Variants in FANCD2 observed in about 807,000 individuals in gnomAD.
The protein encoded by FANCD2 is Fanconi anemia group D2 protein.
In FANCD2, 131 loss-of-function variants were observed where a neutral mutation model predicts 192.3. The observed-to-expected ratio is 0.68, with a 90% CI of 0.59 to 0.79. The LOEUF is 0.79. Among genes scored for constraint, FANCD2 ranks in the 30% least tolerant of loss-of-function variants. The probability of loss-of-function intolerance (pLI) is 0.00; values close to 1 mark genes in which losing one functional copy is unlikely to be tolerated. For missense variants in FANCD2, 1,508 were observed against 1,701.6 expected, an observed-to-expected ratio of 0.89 and a Z score of 2.00; for synonymous variants, 524 against 612.5, an observed-to-expected ratio of 0.86 and a Z score of 2.13.
intron 36 of FANCD2, 69 bp downstream of exon 36, chr3:10,089,019 A>G: frequency 6.4e-7 from 1 of 1,562,080 alleles, no homozygotes; most frequent in Non-Finnish European, 8.8e-7. Context: ...ACGGTGGCAC[A>G]CACCTGTAAT....
rs755975980 is a variant in FANCD2, at chr3:10,065,429, G to A, written c.2204G>A (p.Arg735Gln). The A allele has an allele frequency of 3.3e-5, 53 of 1,613,756 alleles. No homozygotes were observed. The highest frequency in any genetic ancestry group is 4.2e-5 in the Non-Finnish European group (49 of 1,179,874). ...VSPLCLAPYF[R>Q]LLRLCVERQH... ...CCGCTGTGCCTGGCTCCGTATTTCC[G>A]GTTACTGAGACTTTGTGTGGAGAGA... Residue 735 changes from arginine (R) to glutamine (Q), a missense_variant, in exon 24 of 44, where the codon CGG becomes CAG. Transcript: ENST00000675286.
chr3:10,055,821 AT>A (rs1052080483), intron 18 of FANCD2, among the ~76,000 whole-genome samples: 1 of 151,840 alleles, frequency 6.6e-6, no homozygotes, highest in Non-Finnish European at 1.5e-5. Context: ...CAAAAAAAAA[AT>A]AATAATAAAT....
chr3:10,063,756 G>T lies in FANCD2; in HGVS notation c.1828-36G>T, dbSNP rs566554908. On this transcript the variant is annotated intron_variant, in intron 20 of 43. Coordinates refer to ENST00000675286, the MANE Select transcript of FANCD2 (RefSeq NM_001018115.3). Reference sequence around the variant, plus strand: ...GAGTGGAGTTTGGGAAAGATTGGCAGCCCAAGGTTTAAACCATTCTTCCTC... The same window carrying T: ...GAGTGGAGTTTGGGAAAGATTGGCATCCCAAGGTTTAAACCATTCTTCCTC... 9 of 1,613,560 alleles carry T rather than the reference G, an allele frequency of 5.6e-6. No homozygotes were observed. In the East Asian group the frequency reaches 1.8e-4, roughly 32 times the overall value.
chr3:10,084,338 CTGGAGTGT>C (rs1694046096), intron 32 of FANCD2, among the ~76,000 whole-genome samples: 2 of 149,582 alleles, frequency 1.3e-5, no homozygotes, highest in Non-Finnish European at 3.0e-5. Flanking sequence ...GTTGCCCAGG[CTGGAGTGT>C]AGTAACACAA....
At chr3:10,084,802 C>T (rs889215920) in intron 32 of FANCD2, among the ~76,000 whole-genome samples, 1 of 152,096 alleles carries the variant, frequency 6.6e-6, no homozygotes, top group Non-Finnish European at 1.5e-5. Context: ...AAAGGTCAGG[C>T]AGAATAATTT....
intron 14 of FANCD2, chr3:10,046,359 G>A: frequency 1.6e-6 from 1 of 630,042 alleles, no homozygotes; most frequent in South Asian, 1.9e-5. Flanking sequence ...GGCCTGCTCT[G>A]TATTCTTAAG....
chr3:10,086,339 G>C (rs1694200103), intron 33 of FANCD2, among the ~76,000 whole-genome samples: 1 of 152,140 alleles, frequency 6.6e-6, no homozygotes, highest in Non-Finnish European at 1.5e-5. Context: ...AGTGGACAAG[G>C]GAGGTGACAT....
intron 22 of FANCD2, 51 bp downstream of exon 22, chr3:10,064,480 T>A (rs2125034388): frequency 6.7e-7 from 1 of 1,502,846 alleles, no homozygotes; most frequent in Non-Finnish European, 9.3e-7. Context: ...GTTACATCAA[T>A]TCTGTCAGTA....
rs898332580 is a variant in FANCD2, at chr3:10,046,447, C to A, written c.1135-133C>A. The A allele has an allele frequency of 3.4e-6, 5 of 1,459,582 alleles. No homozygotes were observed. The East Asian group carries it at 9.9e-5, about 29-fold the overall frequency. The allele number at this position is 1,459,582 out of a possible 1,614,324, so 90.4% of individuals were successfully genotyped here. A position where few individuals can be genotyped will look rare whatever the true frequency, so the allele number is the denominator to read the frequency against. On this transcript the variant is annotated intron_variant, in intron 14 of 43. Coordinates refer to ENST00000675286, the MANE Select transcript of FANCD2 (RefSeq NM_001018115.3). ...GAGTTTTGTGAAAAGTGTAGATACTCCCAGGGGAGTGTGTGGAACAAATGA... is the reference window on the plus strand; with the variant it reads ...GAGTTTTGTGAAAAGTGTAGATACTACCAGGGGAGTGTGTGGAACAAATGA...
intron 7 of FANCD2, among the ~76,000 whole-genome samples, chr3:10,037,846 T>C (rs561959845): frequency 1.6e-4 from 24 of 152,200 alleles, no homozygotes; most frequent in Middle Eastern, 3.4e-3. Flanking sequence ...TTGCAATAAG[T>C]AGTTCAGTAT....
chr3:10,052,595 T>G (rs1243164121), intron 18 of FANCD2, 98 bp downstream of exon 18: 11 of 803,584 alleles, frequency 1.4e-5, no homozygotes, highest in Non-Finnish European at 1.7e-5. Context: ...CTCAGCTCAT[T>G]GCAACCTCTG....
intron 32 of FANCD2, among the ~76,000 whole-genome samples, chr3:10,082,305 A>G (rs1693891403): frequency 6.6e-6 from 1 of 152,112 alleles, no homozygotes; most frequent in South Asian, 2.1e-4. Flanking sequence ...CTAGATAGCC[A>G]TCTGTCCCTG....
intron 29 of FANCD2, 117 bp downstream of exon 29, chr3:10,074,790 AG>A: frequency 1.1e-6 from 1 of 912,118 alleles, no homozygotes; most frequent in Non-Finnish European, 1.7e-6. Flanking sequence ...TGACTTTTAA[AG>A]CCTTTATATG....
chr3:10,039,220 C>A, intron 7 of FANCD2, 59 bp from the exon 8 acceptor site: 1 of 1,258,006 alleles, frequency 7.9e-7, no homozygotes, highest in Non-Finnish European at 1.2e-6. Context: ...AGTATTAATG[C>A]TTGCTGTTAT....
At chr3:10,032,730 T>C (rs771978225) in intron 2 of FANCD2, 102 bp from the exon 3 acceptor site, 9 of 999,708 alleles carry the variant, frequency 9.0e-6, no homozygotes, top group Non-Finnish European at 1.4e-5. Flanking sequence ...GTATAATTTT[T>C]AAGGACACAT....
At position 10,034,516 on chromosome 3, in the gene FANCD2, A is replaced by C; in HGVS notation, c.253A>C (p.Arg85=). The C allele has an allele frequency of 6.2e-7, 1 of 1,612,576 alleles. No individual in the cohort carries two copies. Among genetic ancestry groups the C allele is most frequent in the Non-Finnish European group, 8.5e-7 (1 of 1,178,638 alleles). ...FQKKLFQTLR[R]HPSYPKIIEE... ...AAAGAAGCTCTTTCAGACCCTGAGG[A>C]GACACCCTTCCTATCCCAAAGTATG... is the stretch of plus-strand genomic sequence containing the variant. Residue 85 remains arginine, a synonymous_variant, in exon 4 of 44, where the codon AGA becomes CGA. Transcript: ENST00000675286.
chr3:10,055,868 G>T (rs1301342452), intron 18 of FANCD2, among the ~76,000 whole-genome samples: 1 of 151,746 alleles, frequency 6.6e-6, no homozygotes, highest in African/African-American at 2.4e-5. Context: ...CTTTGTTTTT[G>T]TTGTTGTTGT....
intron 26 of FANCD2, among the ~76,000 whole-genome samples, chr3:10,069,742 A>G (rs1412167190): frequency 2.0e-5 from 3 of 152,146 alleles, no homozygotes; most frequent in Non-Finnish European, 2.9e-5. Context: ...GGGATTGCAG[A>G]CGGAGTCTGG....
chr3:10,095,007 G>A (rs913260333), intron 40 of FANCD2, 193 bp from the exon 41 acceptor site: 87 of 618,596 alleles, frequency 1.4e-4, no homozygotes, highest in Middle Eastern at 8.6e-4. Flanking sequence ...TGATACAAGG[G>A]ACAGAAATGG....
Sources: allele counts gnomAD v4.1 joint callset (sites outside exome capture counted in the v4.1 genomes callset), GRCh38; gene constraint gnomAD v4.1.1; transcripts MANE v1.5; gene names NCBI Gene and HGNC (gene_info 2026-07-23, HGNC 2026-07-21).